Variants in MPP2 observed in about 807,000 individuals in gnomAD.
MPP2 encodes MAGUK p55 subfamily member 2.
In MPP2, 42 loss-of-function variants were observed where a neutral mutation model predicts 58.5. That is an observed-to-expected ratio of 0.72 (90% confidence interval 0.56 to 0.93). The LOEUF is 0.93. Ranked by LOEUF, MPP2 falls within the 40% of genes least tolerant of loss-of-function variation. MPP2 has a pLI of 0.00. For missense variants in MPP2, 632 were observed against 760.4 expected (o/e 0.83, Z 1.99); for synonymous variants, 300 against 307.8 (o/e 0.97, Z 0.26).
intron 3 of MPP2, among the ~76,000 whole-genome samples, chr17:43,888,355 A>G (rs1006427568): frequency 8.5e-5 from 13 of 152,210 alleles, no homozygotes; most frequent in Admixed American, 1.3e-4. Flanking sequence ...GGAAAGGAAC[A>G]AGCCCCAGAG....
rs1597743956 is a variant in MPP2, at chr17:43,877,703, G to A, written c.*104C>T. Reference sequence around the variant, plus strand: ...GGGAGCTGTTACCCAAGGACAGCCAGATATGGGGGCTAAGGATTGTGGCAG... The same window carrying A: ...GGGAGCTGTTACCCAAGGACAGCCAAATATGGGGGCTAAGGATTGTGGCAG... On this transcript the variant is annotated 3_prime_UTR_variant, in exon 13 of 13. Transcript: ENST00000269095. 1 of 1,026,374 alleles carries A rather than the reference G, an allele frequency of 9.7e-7. No individual in the cohort carries two copies. The highest frequency in any genetic ancestry group is 1.5e-6 in the Non-Finnish European group (1 of 679,052). The allele number at this position is 1,026,374 out of a possible 1,614,324, so 63.6% of individuals were successfully genotyped here.
intron 1 of MPP2, chr17:43,907,022 G>T (rs1039116268): frequency 3.1e-5 from 8 of 262,242 alleles, no homozygotes; most frequent in Admixed American, 6.5e-5. Context: ...CCCTCCCAGG[G>T]AAGATTGTGG....
intron 1 of MPP2, chr17:43,907,048 G>C (rs1352605678): frequency 2.2e-6 from 1 of 447,344 alleles, no homozygotes; most frequent in South Asian, 9.3e-5. Context: ...GCTGCCTAGG[G>C]GGACCAGGGG....
chr17:43,877,563 A>G lies in MPP2; in HGVS notation c.*244T>C. On this transcript the variant is annotated 3_prime_UTR_variant, in exon 13 of 13. Transcript: ENST00000269095. ...TGGGCATAGCTTGGCCCTCAGAGATATCTGGTGACCAATGGGCATCAGGAG... is the reference window on the plus strand; with the variant it reads ...TGGGCATAGCTTGGCCCTCAGAGATGTCTGGTGACCAATGGGCATCAGGAG... 1 of 526,356 alleles carries G rather than the reference A, an allele frequency of 1.9e-6. No individual in the cohort carries two copies. The highest frequency in any genetic ancestry group is 2.6e-5 in the South Asian group (1 of 38,828). 32.6% of individuals were successfully genotyped at this position (526,356 alleles called of 1,614,324 possible).
chr17:43,886,015 T>G (rs1279841022), intron 3 of MPP2, among the ~76,000 whole-genome samples: 2 of 151,358 alleles, frequency 1.3e-5, no homozygotes. Context: ...GGCTGAGTCA[T>G]GAGAATCACT....
chr17:43,906,893 C>T (rs910151153), intron 1 of MPP2, among the ~76,000 whole-genome samples: 10 of 151,138 alleles, frequency 6.6e-5, no homozygotes, highest in African/African-American at 2.4e-4. Context: ...CTTTCTAACC[C>T]TAGCTCTTCG....
upstream of MPP2, chr17:43,907,626 C>T (rs979227257): frequency 2.4e-5 from 24 of 985,594 alleles, no homozygotes; most frequent in African/African-American, 4.2e-4. Flanking sequence ...GAGGAGAACG[C>T]GGAGGCCGGC....
At chr17:43,895,790 C>T (rs1303583608) in intron 3 of MPP2, among the ~76,000 whole-genome samples, 2 of 152,088 alleles carry the variant, frequency 1.3e-5, no homozygotes, top group African/African-American at 2.4e-5. Flanking sequence ...GGTGCATGCC[C>T]CTACTCCCAG....
chr17:43,907,615 T>C (rs1410025821), upstream of MPP2: 38 of 983,494 alleles, frequency 3.9e-5, no homozygotes, highest in Non-Finnish European at 4.6e-5. Context: ...AGAGGGGAGG[T>C]GAGGAGAACG....
chr17:43,894,455 AC>A (rs1567895750), intron 3 of MPP2, among the ~76,000 whole-genome samples: 2 of 122,782 alleles, frequency 1.6e-5, no homozygotes, highest in Admixed American at 7.8e-5. Context: ...ACACACACAC[AC>A]ACACACAAAA....
At chr17:43,878,685 C>G (rs903506804) in intron 12 of MPP2, among the ~76,000 whole-genome samples, 3 of 152,178 alleles carry the variant, frequency 2.0e-5, no homozygotes, top group Non-Finnish European at 4.4e-5. Context: ...GACCTGGGGC[C>G]GGAATGCTGC....
Position 43,879,815 on chromosome 17 carries a change from A to T in MPP2, c.1320T>A (p.Ala440=). 1 of 1,613,852 alleles carries T rather than the reference A, an allele frequency of 6.2e-7. No individual in the cohort carries two copies. The change falls in exon 11 of 13, where the codon GCT becomes GCA. Residue 440 remains alanine, a synonymous_variant. Transcript: ENST00000269095. This position sits in a 1 kb window ranked among gnomAD's most constrained non-coding sequence, Gnocchi z 4.1. ...RIDSIRGVVA[A]GKVCVLDVNP... is the part of the protein sequence containing the mutation. ...TGACATCCAGCACGCACACCTTCCCAGCAGCGACCACGCCCCGGATGGAGT... is the reference window on the plus strand; with the variant it reads ...TGACATCCAGCACGCACACCTTCCCTGCAGCGACCACGCCCCGGATGGAGT...
chr17:43,884,496 G>A (rs1186720137), intron 3 of MPP2, among the ~76,000 whole-genome samples: 1 of 152,180 alleles, frequency 6.6e-6, no homozygotes. Flanking sequence ...TGAGATTACA[G>A]GCATGAGCCA....
intron 3 of MPP2, among the ~76,000 whole-genome samples, chr17:43,894,446 C>G (rs231502): frequency 5.3e-5 from 1 of 18,896 alleles, no homozygotes; most frequent in Non-Finnish European, 7.9e-5. Context: ...TATATATATA[C>G]ACACACACAC....
intron 2 of MPP2, among the ~76,000 whole-genome samples, chr17:43,902,586 C>T (rs1270302258): frequency 6.6e-6 from 1 of 152,166 alleles, no homozygotes; most frequent in African/African-American, 2.4e-5. Flanking sequence ...CCCTCCACTG[C>T]AAGGAGAAGA....
chr17:43,888,931 AT>A (rs56759202), intron 3 of MPP2, among the ~76,000 whole-genome samples: 4,725 of 146,618 alleles, frequency 0.032, 216 homozygotes, highest in African/African-American at 0.1. Flanking sequence ...TGAACAAATA[AT>A]TTTTTTTTTT....
In MPP2 at chr17:43,880,649, TGCTCCTTGTCCCCAACTCAGCAGGGCCCA is replaced by T. The variant is rs1402492389; in HGVS notation, c.1150+13_1150+41del. ...CCCAGCCCTGGCCCCAGGGGAGCCC[TGCTCCTTGTCCCCAACTCAGCAGGGCCCA>T]GCTCCCACTCACAGGGCACCGTGGT... On this transcript the variant is annotated intron_variant, in intron 10 of 12. Transcript: ENST00000269095. The surrounding 1 kb of genome is among the most constrained non-coding windows in gnomAD (Gnocchi z 5.2). 11 of 1,560,988 alleles carry T rather than the reference TGCTCCTTGTCCCCAACTCAGCAGGGCCCA, an allele frequency of 7.0e-6. No homozygotes were observed. Among genetic ancestry groups the T allele is most frequent in the Non-Finnish European group, 9.6e-6 (11 of 1,149,458 alleles).
Position 43,877,816 on chromosome 17 carries a change from C to T in MPP2, c.1650G>A (p.Trp550Ter). Residue 550 changes from tryptophan to a stop codon, truncating the protein, a stop_gained, in exon 13 of 13, where the codon TGG becomes TGA. Coordinates refer to ENST00000269095, the MANE Select transcript of MPP2 (RefSeq NM_005374.5). LOFTEE classifies it high-confidence loss of function. The stretch of plus-strand genomic sequence containing the variant: ...GACCAGGTGAACAGGCTCAGTACAC[C>T]CAGCTGACAGGCACCCACTGGGGCT... ...RTEPQWVPVSWVY is the reference protein window; with the variant it reads ...RTEPQWVPVS 6.2e-7 allele frequency: 1 copy of T among 1,613,504 alleles called. No homozygotes were observed. Among genetic ancestry groups the T allele is most frequent in the Non-Finnish European group, 8.5e-7 (1 of 1,179,620 alleles).
At chr17:43,904,334 G>T in intron 2 of MPP2, 96 bp downstream of exon 2, 1 of 1,186,770 alleles carries the variant, frequency 8.4e-7, no homozygotes, top group Non-Finnish European at 1.2e-6. Context: ...GAGCCAGTTG[G>T]TTCTTATCTG....
Sources: allele counts gnomAD v4.1 joint callset (sites outside exome capture counted in the v4.1 genomes callset), GRCh38; gene constraint gnomAD v4.1.1; non-coding constraint Gnocchi (gnomAD v3.1); transcripts MANE v1.5; gene names NCBI Gene and HGNC (gene_info 2026-07-23, HGNC 2026-07-21).